Variants in DDHD1 observed in about 807,000 individuals in gnomAD.
DDHD1 encodes phospholipase DDHD1.
In DDHD1, 49 loss-of-function variants were observed where a neutral mutation model predicts 96.4. The observed-to-expected ratio is 0.51, with a 90% CI of 0.40 to 0.64. The LOEUF (loss-of-function observed/expected upper bound fraction) is 0.64. DDHD1 is among the 30% of genes least tolerant of loss of function. The pLI, the probability that DDHD1 is intolerant of heterozygous loss-of-function variation, is 0.00. For missense variants in DDHD1, 1,106 were observed against 1,161.2 expected (o/e 0.95, Z 0.69); for synonymous variants, 442 against 446.5 (o/e 0.99, Z 0.13).
chr14:53,103,500 TGA>T (rs1887465787), intron 2 of DDHD1, 181 bp downstream of exon 2: 9 of 505,424 alleles, frequency 1.8e-5, no homozygotes, highest in Non-Finnish European at 3.4e-6. Context: ...AAATAAAAAT[TGA>T]GATAGTTCAG....
intron 8 of DDHD1, 29 bp downstream of exon 8, chr14:53,061,097 T>G: frequency 6.3e-7 from 1 of 1,584,648 alleles, no homozygotes; most frequent in South Asian, 1.1e-5. Context: ...CTGAGATCAA[T>G]GTTGAAGAAC....
At chr14:53,094,950 C>T (rs1886753511) in intron 2 of DDHD1, among the ~76,000 whole-genome samples, 1 of 151,890 alleles carries the variant, frequency 6.6e-6, no homozygotes. Flanking sequence ...TTTAGGAATT[C>T]GTAAGCCCCA....
chr14:53,054,685 A>G (rs1292667776), intron 10 of DDHD1, 56 bp from the exon 11 acceptor site: 8 of 1,550,178 alleles, frequency 5.2e-6, no homozygotes, highest in Non-Finnish European at 5.3e-6. Context: ...ACTCTAAGCT[A>G]AAGAGCACCA....
At chr14:53,051,197 A>AT (rs547082867) in intron 12 of DDHD1, among the ~76,000 whole-genome samples, 404 of 148,158 alleles carry the variant, frequency 2.7e-3, no homozygotes, top group African/African-American at 6.5e-3. Context: ...AAAATCCAGC[A>AT]TTTTTTTTTT....
Position 53,042,075 on chromosome 14 carries a change from A to G in DDHD1, c.*4693T>C, listed in dbSNP as rs555384229. On this transcript the variant is annotated 3_prime_UTR_variant, in exon 13 of 13. Coordinates refer to ENST00000673822, the MANE Select transcript of DDHD1 (RefSeq NM_001160148.2). The stretch of plus-strand genomic sequence containing the variant: ...GGTGGAATCGGTCACTTACAAAATG[A>G]AGGAATCACATGAGGAGGTGAAACT... 1 of 152,332 alleles carries G rather than the reference A, an allele frequency of 6.6e-6. No individual in the cohort carries two copies. The highest frequency in any genetic ancestry group is 2.1e-4 in the South Asian group (1 of 4,822). The allele number at this position is 152,332 out of a possible 1,614,324, so 9.4% of individuals were successfully genotyped here.
intron 1 of DDHD1, among the ~76,000 whole-genome samples, chr14:53,139,247 C>T (rs1181561950): frequency 6.6e-6 from 1 of 152,066 alleles, no homozygotes; most frequent in African/African-American, 2.4e-5. Flanking sequence ...AAGAATAAGG[C>T]AGAACCAGAA....
intron 6 of DDHD1, among the ~76,000 whole-genome samples, chr14:53,064,794 T>C (rs936976971): frequency 6.6e-6 from 1 of 152,110 alleles, no homozygotes; most frequent in Non-Finnish European, 1.5e-5. Context: ...TGGTCAGACA[T>C]TATGATTTTG....
At chr14:53,072,576 C>G in intron 6 of DDHD1, 21 bp downstream of exon 6, 1 of 1,384,984 alleles carries the variant, frequency 7.2e-7, no homozygotes, top group Non-Finnish European at 9.8e-7. Context: ...TACCCACCAG[C>G]AAGATAATCA....
At chr14:53,102,426 T>G (rs1306856536) in intron 2 of DDHD1, among the ~76,000 whole-genome samples, 2 of 152,166 alleles carry the variant, frequency 1.3e-5, no homozygotes, top group East Asian at 3.9e-4. Context: ...CATATTTGAT[T>G]CTACCGATTA....
intron 1 of DDHD1, among the ~76,000 whole-genome samples, chr14:53,124,588 T>C (rs866100894): frequency 1.3e-5 from 2 of 152,224 alleles, no homozygotes; most frequent in African/African-American, 4.8e-5. Context: ...CAACAAGGGA[T>C]AATGTCAATA....
intron 1 of DDHD1, 148 bp downstream of exon 1, chr14:53,152,113 G>GAATGGTATTGTGTAGAT: frequency 2.4e-6 from 2 of 833,734 alleles, no homozygotes; most frequent in South Asian, 1.9e-5. Flanking sequence ...AGCTGCCGAC[G>GAATGGTATTGTGTAGAT]CTCCCTGCTC....
rs1343446756 is a variant in DDHD1 at position 53,153,024 on chromosome 14, C to T, written c.75G>A (p.Glu25=). 1.3e-6 allele frequency: 2 copies of T among 1,505,490 alleles called. No homozygotes were observed. The highest frequency in any genetic ancestry group is 2.3e-5 in the Admixed American group (1 of 42,896). 93.3% of individuals were successfully genotyped at this position (1,505,490 alleles called of 1,614,324 possible). The part of the protein sequence containing the change: ...NGRGGGGGAW[E]LGSDARPAFG... ...ACGCTGGCCTCGCGTCTGAGCCCAG[C>T]TCCCAGGCGCCGCCGCCGCCGCCTC... Residue 25 remains glutamate, a synonymous_variant, in exon 1 of 13, where the codon GAG becomes GAA. Coordinates refer to ENST00000673822, the MANE Select transcript of DDHD1 (RefSeq NM_001160148.2).
chr14:53,102,638 T>C (rs928542947), intron 2 of DDHD1, among the ~76,000 whole-genome samples: 6 of 135,192 alleles, frequency 4.4e-5, no homozygotes, highest in Admixed American at 3.3e-4. Context: ...TTGTGACAAA[T>C]GTATACATAT....
intron 1 of DDHD1, among the ~76,000 whole-genome samples, chr14:53,127,668 A>G (rs779197316): frequency 6.6e-6 from 1 of 152,222 alleles, no homozygotes; most frequent in Non-Finnish European, 1.5e-5. Context: ...TGACAGCTGG[A>G]GAAGGAAGCC....
At chr14:53,099,221 G>C (rs923635604) in intron 2 of DDHD1, among the ~76,000 whole-genome samples, 6 of 152,068 alleles carry the variant, frequency 3.9e-5, no homozygotes, top group African/African-American at 1.4e-4. Context: ...CCTTCATCCA[G>C]CTTCTCCTAA....
rs939092984 is a variant in DDHD1 at position 53,039,813 on chromosome 14, T to G, written c.*6955A>C. On this transcript the variant is annotated 3_prime_UTR_variant, in exon 13 of 13. Transcript: ENST00000673822. ...GGCTTTGGTTGTCATCAGACCTATG[T>G]GTCCCTATCCCCTTTCTCATAAACA... The G allele has an allele frequency of 6.6e-6, 1 of 152,218 alleles. No individual in the cohort carries two copies. The allele number at this position is 152,218 out of a possible 1,614,324, so 9.4% of individuals were successfully genotyped here.
At chr14:53,082,223 A>C (rs1885526211) in intron 4 of DDHD1, among the ~76,000 whole-genome samples, 1 of 152,180 alleles carries the variant, frequency 6.6e-6, no homozygotes, top group African/African-American at 2.4e-5. Flanking sequence ...TGTTTACTTC[A>C]TATTGTAAGA....
chr14:53,146,563 G>A (rs181600880), intron 1 of DDHD1, among the ~76,000 whole-genome samples: 8 of 151,770 alleles, frequency 5.3e-5, no homozygotes, highest in African/African-American at 1.2e-4. Context: ...GCTAAAAAGC[G>A]TACATAAAAT....
intron 4 of DDHD1, among the ~76,000 whole-genome samples, chr14:53,086,204 T>C (rs1885933581): frequency 6.6e-6 from 1 of 152,150 alleles, no homozygotes; most frequent in South Asian, 2.1e-4. Flanking sequence ...CGGGGAGAAC[T>C]GGAACCAAGC....
Sources: allele counts gnomAD v4.1 joint callset (sites outside exome capture counted in the v4.1 genomes callset), GRCh38; gene constraint gnomAD v4.1.1; transcripts MANE v1.5; gene names NCBI Gene and HGNC (gene_info 2026-07-23, HGNC 2026-07-21).